Variants in SDC2 observed in about 807,000 individuals in gnomAD.
The protein encoded by SDC2 is syndecan 2, also known as syndecan-2.
Under a neutral mutation model 22.2 loss-of-function variants are expected in SDC2, and 13 were observed. That is an observed-to-expected ratio of 0.59 (90% confidence interval 0.38 to 0.93). The LOEUF is 0.93. SDC2 is among the 40% of genes least tolerant of loss of function. The probability of loss-of-function intolerance (pLI) is 0.00; values close to 1 mark genes in which losing one functional copy is unlikely to be tolerated. For missense variants in SDC2, 235 were observed against 246.8 expected (o/e 0.95, Z 0.32); for synonymous variants, 94 against 92.8 (o/e 1.01, Z -0.07).
At position 96,608,357 on chromosome 8, in the gene SDC2, A is replaced by G. The variant is rs1815119496; in HGVS notation, c.329A>G (p.Glu110Gly). The change falls in exon 4 of 5, where the codon GAG becomes GGG. Residue 110 changes from glutamate to glycine, a missense_variant. Physicochemically the swap from Glu to Gly is moderately conservative, Grantham distance 98. Transcript: ENST00000302190. ...QTKSPEETDKEKVHLSDSERK... is the reference protein window; with the variant it reads ...QTKSPEETDKGKVHLSDSERK... ...CAGTCACCTGAAGAAACTGATAAAG[A>G]GAAAGTTCACCTCTCTGACTCAGAA... The G allele has an allele frequency of 6.2e-7, 1 of 1,613,544 alleles. No homozygotes were observed. Among genetic ancestry groups the G allele is most frequent in the Non-Finnish European group, 8.5e-7 (1 of 1,179,656 alleles).
At chr8:96,558,708 G>A (rs1814160165) in intron 1 of SDC2, among the ~76,000 whole-genome samples, 1 of 151,968 alleles carries the variant, frequency 6.6e-6, no homozygotes. Flanking sequence ...CCCAAAGAGG[G>A]GAATATAAGG....
At chr8:96,541,032 C>T (rs1000137535) in intron 1 of SDC2, among the ~76,000 whole-genome samples, 30 of 151,016 alleles carry the variant, frequency 2.0e-4, no homozygotes, top group African/African-American at 6.8e-4. Flanking sequence ...GTCTTTCAGT[C>T]TCTGAAGTAT....
At chr8:96,550,313 G>A (rs939506493) in intron 1 of SDC2, among the ~76,000 whole-genome samples, 4 of 152,126 alleles carry the variant, frequency 2.6e-5, no homozygotes, top group African/African-American at 7.2e-5. Context: ...AGCATTTTGG[G>A]TCTTGGATTT....
rs2130669643 is a variant in SDC2, at chr8:96,610,233, T to C, written c.*685T>C. The C allele has an allele frequency of 6.5e-6, 1 of 152,772 alleles. No individual in the cohort carries two copies. The highest frequency in any genetic ancestry group is 1.5e-5 in the Non-Finnish European group (1 of 68,034). The allele number at this position is 152,772 out of a possible 1,614,324, so 9.5% of individuals were successfully genotyped here. ...CTACAAAACCGTTTAGTCATATCTATCTAATCAGATCTTCTTTTGGGAGGA... is the reference window on the plus strand; with the variant it reads ...CTACAAAACCGTTTAGTCATATCTACCTAATCAGATCTTCTTTTGGGAGGA... On this transcript the variant is annotated 3_prime_UTR_variant, in exon 5 of 5. Coordinates refer to ENST00000302190, the MANE Select transcript of SDC2 (RefSeq NM_002998.4).
chr8:96,605,194 G>A (rs536078166), intron 3 of SDC2, among the ~76,000 whole-genome samples: 3 of 152,282 alleles, frequency 2.0e-5, no homozygotes, highest in Admixed American at 2.0e-4. Context: ...AAGATGATAT[G>A]GATATGGATG....
chr8:96,568,405 G>A (rs977969312), intron 1 of SDC2, among the ~76,000 whole-genome samples: 2 of 152,290 alleles, frequency 1.3e-5, no homozygotes, highest in Admixed American at 6.5e-5. Context: ...CATACCAATC[G>A]ACTGTCAGTT....
chr8:96,537,400 A>C (rs923975585), intron 1 of SDC2: 1 of 152,264 alleles, frequency 6.6e-6, no homozygotes, highest in African/African-American at 2.4e-5. Flanking sequence ...CCAAGCCTGA[A>C]GTTTACAGCA....
intron 1 of SDC2, among the ~76,000 whole-genome samples, chr8:96,562,674 G>A (rs915700328): frequency 1.3e-5 from 2 of 152,170 alleles, no homozygotes; most frequent in African/African-American, 2.4e-5. Flanking sequence ...CAGGAATTCC[G>A]TCGACACAAT....
chr8:96,495,259 TC>T (rs1021837866), intron 1 of SDC2, among the ~76,000 whole-genome samples: 1 of 152,194 alleles, frequency 6.6e-6, no homozygotes, highest in Non-Finnish European at 1.5e-5. Context: ...GAGTCTCGTC[TC>T]CGGCGGAGCG....
chr8:96,548,648 T>A (rs1193552430), intron 1 of SDC2, among the ~76,000 whole-genome samples: 1 of 152,182 alleles, frequency 6.6e-6, no homozygotes, highest in East Asian at 1.9e-4. Flanking sequence ...CTTCAGTATC[T>A]CCTTTTTCTC....
chr8:96,576,079 C>A (rs1338125783), intron 1 of SDC2, among the ~76,000 whole-genome samples: 1 of 152,132 alleles, frequency 6.6e-6, no homozygotes, highest in African/African-American at 2.4e-5. Context: ...CCTCCCCGAT[C>A]CCCACACACA....
At chr8:96,511,617 G>A (rs1813329908) in intron 1 of SDC2, among the ~76,000 whole-genome samples, 1 of 152,264 alleles carries the variant, frequency 6.6e-6, no homozygotes. Context: ...GGCAAGGCAA[G>A]GCTCCGAAAG....
intron 1 of SDC2, among the ~76,000 whole-genome samples, chr8:96,507,512 T>C (rs115505891): frequency 0.013 from 1,955 of 152,278 alleles, 34 homozygotes; most frequent in African/African-American, 0.044. Context: ...AGGCTAATTA[T>C]GGGAAGACAG....
chr8:96,554,418 T>C (rs190744996), intron 1 of SDC2, among the ~76,000 whole-genome samples: 155 of 152,268 alleles, frequency 1.0e-3, no homozygotes, highest in Middle Eastern at 6.8e-3. Context: ...TGTTTCTTAA[T>C]ATGATTTTAA....
At chr8:96,509,116 C>T (rs1813292940) in intron 1 of SDC2, among the ~76,000 whole-genome samples, 1 of 142,292 alleles carries the variant, frequency 7.0e-6, no homozygotes, top group Non-Finnish European at 1.6e-5. Context: ...CTCTAAATCT[C>T]AGCTCTGCCA....
At chr8:96,576,141 C>T (rs577155879) in intron 1 of SDC2, among the ~76,000 whole-genome samples, 103 of 152,156 alleles carry the variant, frequency 6.8e-4, no homozygotes, top group African/African-American at 2.4e-3. Flanking sequence ...CAGCTAACTA[C>T]AGGCTAGTAT....
intron 1 of SDC2, among the ~76,000 whole-genome samples, chr8:96,508,244 A>C (rs2130435243): frequency 6.6e-6 from 1 of 151,358 alleles, no homozygotes; most frequent in African/African-American, 2.4e-5. Context: ...TGCAGTGAGC[A>C]GAGATCGCGC....
At position 96,608,347 on chromosome 8, in the gene SDC2, A is replaced by T. The variant is rs1815118994; in HGVS notation, c.319A>T (p.Thr107Ser). 1 of 1,612,998 alleles carries T rather than the reference A, an allele frequency of 6.2e-7. No individual in the cohort carries two copies. The highest frequency in any genetic ancestry group is 8.5e-7 in the Non-Finnish European group (1 of 1,179,470). Residue 107 changes from threonine (T) to serine (S), a missense_variant, in exon 4 of 5, where the codon ACT becomes TCT. Transcript: ENST00000302190. ...TTTCCCATACCAGTCACCTGAAGAA[A>T]CTGATAAAGAGAAAGTTCACCTCTC... ...IPAQTKSPEE[T>S]DKEKVHLSDS...
intron 1 of SDC2, among the ~76,000 whole-genome samples, chr8:96,498,154 C>A (rs1813103148): frequency 6.6e-6 from 1 of 152,220 alleles, no homozygotes; most frequent in Admixed American, 6.5e-5. Context: ...CCTCTAAGTC[C>A]AGCTGTGCAT....
Sources: gnomAD v4.1 joint callset for allele counts (sites outside exome capture counted in the v4.1 genomes callset) on GRCh38, gnomAD v4.1.1 for gene constraint, MANE v1.5 for transcripts, NCBI Gene and HGNC (gene_info 2026-07-23, HGNC 2026-07-21) for gene names.